The following TPP2 variants were observed in gnomAD, a reference collection of about 807,000 sequenced individuals.
TPP2 encodes tripeptidyl peptidase 2, also known as tripeptidyl-peptidase 2.
In TPP2, 34 loss-of-function variants were observed where a neutral mutation model predicts 155.9. The observed-to-expected ratio is 0.22, with a 90% confidence interval of 0.17 to 0.29. TPP2 has a LOEUF of 0.29. Among genes scored for constraint, TPP2 ranks in the 10% least tolerant of loss-of-function variants. The pLI is 1.00. For missense variants in TPP2, 1,028 were observed against 1,522.3 expected, an observed-to-expected ratio of 0.68 and a Z score of 5.40; for synonymous variants, 510 against 529.4, an observed-to-expected ratio of 0.96 and a Z score of 0.50.
chr13:102,626,272 A>G (rs1302803749), intron 6 of TPP2, among the ~76,000 whole-genome samples: 2 of 152,164 alleles, frequency 1.3e-5, no homozygotes, highest in Non-Finnish European at 2.9e-5. Context: ...AAAATTCAAT[A>G]TCCATTTTTG....
In TPP2 at chr13:102,643,208, C is replaced by A; in HGVS notation, c.2021-14C>A. The A allele has an allele frequency of 6.3e-7, 1 of 1,575,008 alleles. No individual in the cohort carries two copies. Among genetic ancestry groups the A allele is most frequent in the Non-Finnish European group, 8.6e-7 (1 of 1,166,996 alleles). On this transcript the variant is annotated splice_polypyrimidine_tract_variant and intron_variant, in intron 16 of 29. Coordinates refer to ENST00000376052, the MANE Select transcript of TPP2 (RefSeq NM_001330588.2). Reference sequence around the variant, plus strand: ...TATAAGTTTAAAGCTTTGCTTCTTTCTTTCTTATTTTAGAAGTGACAGTGT... The same window carrying A: ...TATAAGTTTAAAGCTTTGCTTCTTTATTTCTTATTTTAGAAGTGACAGTGT...
chr13:102,597,579 C>T (rs1295569894), intron 1 of TPP2, among the ~76,000 whole-genome samples: 5 of 152,000 alleles, frequency 3.3e-5, no homozygotes, highest in African/African-American at 1.2e-4. Context: ...CCCCAGGCTC[C>T]TTCCCTCCAC....
chr13:102,629,016 G>C (rs1383523002), intron 8 of TPP2, among the ~76,000 whole-genome samples: 11 of 152,052 alleles, frequency 7.2e-5, no homozygotes, highest in Admixed American at 7.2e-4. Context: ...CTTGTTTGCT[G>C]TCAAGCTCTA....
At chr13:102,666,030 T>C (rs1884570057) in intron 27 of TPP2, among the ~76,000 whole-genome samples, 2 of 152,266 alleles carry the variant, frequency 1.3e-5, no homozygotes, top group Admixed American at 1.3e-4. Context: ...TTGTTGTTGT[T>C]GTTAATAATA....
chr13:102,644,775 T>C, intron 18 of TPP2, 102 bp downstream of exon 18: 1 of 1,406,706 alleles, frequency 7.1e-7, no homozygotes, highest in East Asian at 2.3e-5. Flanking sequence ...GGAAATTACC[T>C]GTGGTTCTGA....
intron 5 of TPP2, among the ~76,000 whole-genome samples, chr13:102,621,847 G>T (rs1881191573): frequency 6.6e-6 from 1 of 152,170 alleles, no homozygotes; most frequent in Non-Finnish European, 1.5e-5. Context: ...AAATTTTGGA[G>T]ACAAGTGCTA....
At position 102,647,744 on chromosome 13, in the gene TPP2, G is replaced by A. The variant is rs376768718; in HGVS notation, c.2628+400G>A. Among the ~76,000 whole-genome samples, 114 of 152,274 alleles carry A rather than the reference G, an allele frequency of 7.5e-4. 1 individual carries two copies. Among genetic ancestry groups the A allele is most frequent in the African/African-American group, 2.6e-3 (110 of 41,572 alleles). ...TAAAGAGAGCACTGCAGCAGTGGCC[G>A]CATGTCTTCAGTTCATTTGTACTTT... On this transcript the variant is annotated intron_variant, in intron 21 of 29. Coordinates refer to ENST00000376052, the MANE Select transcript of TPP2 (RefSeq NM_001330588.2).
At chr13:102,622,323 G>A (rs917246007) in intron 5 of TPP2, among the ~76,000 whole-genome samples, 1 of 152,024 alleles carries the variant, frequency 6.6e-6, no homozygotes, top group Non-Finnish European at 1.5e-5. Context: ...TAAAGTGTTC[G>A]GAATATAATT....
chr13:102,616,672 T>A (rs1049914658), intron 4 of TPP2, among the ~76,000 whole-genome samples, 172 bp downstream of exon 4: 2 of 152,230 alleles, frequency 1.3e-5, no homozygotes, highest in Non-Finnish European at 2.9e-5. Flanking sequence ...TCAATGTACA[T>A]ATGTATGAAT....
chr13:102,676,472 A>G, intron 29 of TPP2, 57 bp downstream of exon 29: 3 of 1,582,646 alleles, frequency 1.9e-6, no homozygotes, highest in South Asian at 1.1e-5. Flanking sequence ...CATAGTGACA[A>G]GATAACTAGA....
At chr13:102,602,177 T>C (rs1336512863) in intron 1 of TPP2, among the ~76,000 whole-genome samples, 2 of 152,236 alleles carry the variant, frequency 1.3e-5, no homozygotes, top group African/African-American at 4.8e-5. Context: ...GATTTTCTTA[T>C]ATGATTAGTA....
intron 23 of TPP2, among the ~76,000 whole-genome samples, chr13:102,650,626 C>T (rs2139551949): frequency 6.6e-6 from 1 of 152,280 alleles, no homozygotes; most frequent in Non-Finnish European, 1.5e-5. Flanking sequence ...TATTGGGCGT[C>T]AGCTGTGAAT....
intron 29 of TPP2, among the ~76,000 whole-genome samples, chr13:102,676,869 G>A (rs1033141450): frequency 3.9e-5 from 6 of 152,138 alleles, no homozygotes; most frequent in African/African-American, 1.4e-4. Context: ...TATAGTTGAG[G>A]TTTCTGCACA....
At position 102,631,071 on chromosome 13, in the gene TPP2, A is replaced by C. The variant is rs539427661; in HGVS notation, c.1244+876A>C. On this transcript the variant is annotated intron_variant, in intron 10 of 29. Coordinates refer to ENST00000376052, the MANE Select transcript of TPP2 (RefSeq NM_001330588.2). ...AGGATGTTGAGAGACAGAAGAAAGGAGTTCTATATGCCAAGAATAACATGA... is the reference window on the plus strand; with the variant it reads ...AGGATGTTGAGAGACAGAAGAAAGGCGTTCTATATGCCAAGAATAACATGA... 1.1e-4 allele frequency among the ~76,000 whole-genome samples: 17 copies of C among 152,336 alleles called. No individual in the cohort carries two copies. The South Asian group carries it at 3.3e-3, about 30-fold the overall frequency.
chr13:102,643,160 C>A (rs1882881036), intron 16 of TPP2, 62 bp from the exon 17 acceptor site: 1 of 1,467,536 alleles, frequency 6.8e-7, no homozygotes. Context: ...TTATTAAAGC[C>A]ACTTTATGTC....
At chr13:102,677,854 G>T (rs1885387427) in intron 29 of TPP2, among the ~76,000 whole-genome samples, 1 of 152,186 alleles carries the variant, frequency 6.6e-6, no homozygotes, top group African/African-American at 2.4e-5. Flanking sequence ...AATTTGTTCA[G>T]TGCTGTTTTC....
chr13:102,678,191 TC>T, intron 29 of TPP2, 35 bp from the exon 30 acceptor site: 1 of 1,558,520 alleles, frequency 6.4e-7, no homozygotes, highest in Non-Finnish European at 8.7e-7. Flanking sequence ...ATCTGTCACT[TC>T]CTTTATAATA....
intron 10 of TPP2, chr13:102,631,651 AAC>A (rs371887546): frequency 1.9e-4 from 29 of 152,380 alleles, no homozygotes; most frequent in African/African-American, 5.3e-4. Context: ...ATTTTAAGAA[AAC>A]ACCAAGGAGT....
chr13:102,600,984 G>A (rs766115964), intron 1 of TPP2, among the ~76,000 whole-genome samples: 13 of 151,762 alleles, frequency 8.6e-5, no homozygotes, highest in Non-Finnish European at 1.8e-4. Flanking sequence ...TCAAACTCCT[G>A]GGTTTAAGCA....
Sources: allele counts gnomAD v4.1 joint callset (sites outside exome capture counted in the v4.1 genomes callset), GRCh38; gene constraint gnomAD v4.1.1; transcripts MANE v1.5; gene names NCBI Gene and HGNC (gene_info 2026-07-23, HGNC 2026-07-21).